Variants in LRP1B observed in about 807,000 individuals in gnomAD.
LRP1B encodes the protein low-density lipoprotein receptor-related protein 1B.
Under a neutral mutation model 556.6 loss-of-function variants are expected in LRP1B, and 217 were observed. That is an observed-to-expected ratio of 0.39 (90% CI 0.35 to 0.44). The LOEUF (loss-of-function observed/expected upper bound fraction) is 0.44. LRP1B is among the 20% of genes least tolerant of loss of function. The probability of loss-of-function intolerance (pLI) is 1.00; values close to 1 mark genes in which losing one functional copy is unlikely to be tolerated. For missense variants in LRP1B, 5,053 were observed against 5,620.8 expected (o/e 0.90, Z 3.23); for synonymous variants, 2,047 against 1,865.8 (o/e 1.10, Z -2.50).
intron 2 of LRP1B, among the ~76,000 whole-genome samples, chr2:141,757,121 A>G (rs938847185): frequency 2.0e-5 from 3 of 152,160 alleles, no homozygotes; most frequent in African/African-American, 7.2e-5. Context: ...AAGTTATGTC[A>G]CATAACCTTC....
chr2:141,079,898 A>C (rs1280440331), intron 7 of LRP1B, among the ~76,000 whole-genome samples: 1 of 152,186 alleles, frequency 6.6e-6, no homozygotes, highest in Non-Finnish European at 1.5e-5. Context: ...CAAGGACTAT[A>C]ATCTTTGTGG....
intron 3 of LRP1B, among the ~76,000 whole-genome samples, chr2:141,348,347 T>C (rs1688326070): frequency 6.6e-6 from 1 of 152,008 alleles, no homozygotes; most frequent in Non-Finnish European, 1.5e-5. Flanking sequence ...TTTCACAGTT[T>C]TAAAATGTCT....
intron 88 of LRP1B, among the ~76,000 whole-genome samples, chr2:140,239,173 T>C (rs1411670126): frequency 6.6e-6 from 1 of 150,820 alleles, no homozygotes; most frequent in Admixed American, 6.6e-5. Context: ...TAACTGCAAA[T>C]GTAAAATCCT....
chr2:142,081,396 A>C (rs540506565), intron 1 of LRP1B, among the ~76,000 whole-genome samples: 11 of 152,268 alleles, frequency 7.2e-5, no homozygotes, highest in Middle Eastern at 3.4e-3. Context: ...CTTGGAGATA[A>C]AATGTGATCA....
At chr2:140,650,413 A>ATC (rs1684640558) in intron 41 of LRP1B, among the ~76,000 whole-genome samples, 1 of 151,356 alleles carries the variant, frequency 6.6e-6, no homozygotes, top group South Asian at 2.1e-4. Flanking sequence ...CAGTGGCACA[A>ATC]TCTCGGCTCA....
At chr2:141,994,791 T>A (rs1407257390) in intron 1 of LRP1B, among the ~76,000 whole-genome samples, 1 of 152,184 alleles carries the variant, frequency 6.6e-6, no homozygotes, top group Non-Finnish European at 1.5e-5. Context: ...CTGTCCACCT[T>A]ACATTTTAGA....
chr2:140,297,749 G>A (rs1683666490), intron 84 of LRP1B, 59 bp downstream of exon 84: 7 of 1,519,748 alleles, frequency 4.6e-6, no homozygotes, highest in Non-Finnish European at 6.3e-6. Context: ...AGTGGATACA[G>A]GAAATCAGAA....
At chr2:141,952,364 C>T (rs958135619) in intron 1 of LRP1B, among the ~76,000 whole-genome samples, 13 of 152,016 alleles carry the variant, frequency 8.6e-5, no homozygotes, top group African/African-American at 3.1e-4. Context: ...TGGGTATATA[C>T]CCAGTAATGG....
At chr2:141,826,313 A>C (rs1166792098) in intron 1 of LRP1B, among the ~76,000 whole-genome samples, 1 of 150,202 alleles carries the variant, frequency 6.7e-6, no homozygotes, top group Non-Finnish European at 1.5e-5. Context: ...TTTAATAAGG[A>C]TATGATAGAC....
intron 3 of LRP1B, among the ~76,000 whole-genome samples, chr2:141,331,763 G>A (rs1266673629): frequency 3.3e-5 from 5 of 151,942 alleles, no homozygotes; most frequent in Admixed American, 2.0e-4. Flanking sequence ...CTTTAATATT[G>A]AAGAATATAA....
At chr2:140,510,100 A>G in intron 51 of LRP1B, 44 bp from the exon 52 acceptor site, 1 of 1,598,408 alleles carries the variant, frequency 6.3e-7, no homozygotes, top group South Asian at 1.1e-5. Context: ...CTCTGTGTCC[A>G]CTGGAAAATG....
intron 2 of LRP1B, among the ~76,000 whole-genome samples, chr2:141,747,310 C>A (rs1693951191): frequency 1.3e-5 from 2 of 152,154 alleles, no homozygotes; most frequent in African/African-American, 4.8e-5. Context: ...CCCAGCTCCA[C>A]AAATTCAGCA....
chr2:140,867,051 A>G (rs1439659679), intron 27 of LRP1B, among the ~76,000 whole-genome samples: 1 of 152,104 alleles, frequency 6.6e-6, no homozygotes, highest in African/African-American at 2.4e-5. Flanking sequence ...ACGTTACACC[A>G]AATGGGATAC....
In LRP1B at chr2:141,796,578, C is replaced by CTTT. The variant is rs75317117; in HGVS notation, c.205+13698_205+13700dup. Among the ~76,000 whole-genome samples the CTTT allele has an allele frequency of 3.4e-3, 440 of 127,544 alleles. 4 individuals are homozygous for CTTT. The highest frequency in any genetic ancestry group is 6.1e-3 in the East Asian group (26 of 4,280). 83.7% of individuals were successfully genotyped at this position (127,544 alleles called of 152,430 possible). ...CTGAACATAGAGATAGCATTTTATT[C>CTTT]TTTTTTTTTTTTTTTTTGGCTTTGT... On this transcript the variant is annotated intron_variant, in intron 2 of 90. Coordinates refer to ENST00000389484, the MANE Select transcript of LRP1B (RefSeq NM_018557.3).
chr2:141,602,872 T>C (rs1036405229), intron 2 of LRP1B, among the ~76,000 whole-genome samples: 1 of 152,230 alleles, frequency 6.6e-6, no homozygotes, highest in Non-Finnish European at 1.5e-5. Context: ...TGGTTGATGT[T>C]AATCTTACCT....
At chr2:140,456,280 C>A (rs1168139275) in intron 62 of LRP1B, among the ~76,000 whole-genome samples, 175 bp downstream of exon 62, 3 of 151,728 alleles carry the variant, frequency 2.0e-5, no homozygotes, top group African/African-American at 7.3e-5. Flanking sequence ...TCCTTTTTGG[C>A]CTTTATTTAT....
chr2:141,657,430 G>A (rs974815272), intron 2 of LRP1B, among the ~76,000 whole-genome samples: 1 of 152,024 alleles, frequency 6.6e-6, no homozygotes, highest in Non-Finnish European at 1.5e-5. Flanking sequence ...TTTTCATAAA[G>A]AGTCCCTATT....
intron 47 of LRP1B, among the ~76,000 whole-genome samples, chr2:140,529,164 G>A (rs1288015077): frequency 6.6e-6 from 1 of 152,010 alleles, no homozygotes; most frequent in Non-Finnish European, 1.5e-5. Context: ...GAATAGCAAT[G>A]AGGCACTACA....
Position 141,125,856 on chromosome 2 carries a change from A to C in LRP1B, c.1013+62565T>G, listed in dbSNP as rs534050757. Among the ~76,000 whole-genome samples the C allele has an allele frequency of 4.4e-3, 605 of 137,204 alleles. 8 individuals carry two copies. Among genetic ancestry groups the C allele is most frequent in the African/African-American group, 0.017 (552 of 32,386 alleles). The allele number at this position is 137,204 out of a possible 152,430, so 90.0% of individuals were successfully genotyped here. ...CTCCTTTCAAATGCAAAAAAAAAAA[A>C]AAAAACAAAAAACCTCCACTAAGCC... is the stretch of plus-strand genomic sequence containing the variant. On this transcript the variant is annotated intron_variant, in intron 7 of 90. Coordinates refer to ENST00000389484, the MANE Select transcript of LRP1B (RefSeq NM_018557.3).
Sources: gnomAD v4.1 joint callset for allele counts (sites outside exome capture counted in the v4.1 genomes callset) on GRCh38, gnomAD v4.1.1 for gene constraint, MANE v1.5 for transcripts, NCBI Gene and HGNC (gene_info 2026-07-23, HGNC 2026-07-21) for gene names.